Variants in PCNT observed in about 807,000 individuals in gnomAD.
PCNT encodes pericentrin, also known as kendrin.
In PCNT, 319 loss-of-function variants were observed where a neutral mutation model predicts 380.4. The observed-to-expected ratio is 0.84, with a 90% CI of 0.77 to 0.92. The LOEUF (loss-of-function observed/expected upper bound fraction) is 0.92. Among genes scored for constraint, PCNT ranks in the 40% least tolerant of loss-of-function variants. The pLI, the probability that PCNT is intolerant of heterozygous loss-of-function variation, is 0.00. For synonymous variants in PCNT, 1,845 were observed against 1,735.2 expected (o/e 1.06, Z -1.57); for missense variants, 4,400 against 4,255.3 (o/e 1.03, Z -0.95).
At chr21:46,386,481 G>A (rs145083874) in intron 17 of PCNT, among the ~76,000 whole-genome samples, 14 of 152,232 alleles carry the variant, frequency 9.2e-5, no homozygotes, top group Non-Finnish European at 7.3e-5. Flanking sequence ...TCCATTGGGA[G>A]CCTGTGCCTG....
chr21:46,338,545 T>C (rs1242294379), intron 3 of PCNT, among the ~76,000 whole-genome samples: 1 of 152,078 alleles, frequency 6.6e-6, no homozygotes, highest in East Asian at 1.9e-4. Context: ...GTTTATCCAC[T>C]CACCTGGTGA....
chr21:46,355,742 G>A (rs1424634397), intron 12 of PCNT, 116 bp downstream of exon 12: 24 of 1,008,844 alleles, frequency 2.4e-5, no homozygotes, highest in African/African-American at 4.8e-5. Flanking sequence ...TGAGTGCTCC[G>A]ACCTCTTCTT....
At chr21:46,349,887 G>C in intron 8 of PCNT, 67 bp downstream of exon 8, 6 of 1,449,030 alleles carry the variant, frequency 4.1e-6, no homozygotes, top group Non-Finnish European at 5.8e-6. Context: ...TTTGGAATTG[G>C]GCTATTTCGT....
intron 11 of PCNT, among the ~76,000 whole-genome samples, chr21:46,354,305 C>T (rs2084391322): frequency 6.6e-6 from 1 of 152,238 alleles, no homozygotes; most frequent in Admixed American, 6.5e-5. Context: ...CCCTGGGATG[C>T]CCTGGCTGTG....
intron 4 of PCNT, among the ~76,000 whole-genome samples, chr21:46,346,533 G>A (rs1276648347): frequency 6.6e-6 from 1 of 152,202 alleles, no homozygotes; most frequent in African/African-American, 2.4e-5. Flanking sequence ...TGGTGCTCAG[G>A]GCAGTGATGC....
At chr21:46,439,136 C>A (rs190483768) in intron 41 of PCNT, among the ~76,000 whole-genome samples, 1 of 152,018 alleles carries the variant, frequency 6.6e-6, no homozygotes, top group African/African-American at 2.4e-5. Flanking sequence ...TTTGCCCTTT[C>A]CTGGTGTAGT....
chr21:46,324,763 C>T lies in PCNT; in HGVS notation c.54+481C>T, dbSNP rs1421769599. 7.2e-6 allele frequency: 4 copies of T among 552,884 alleles called. No homozygotes were observed. In the East Asian group the frequency reaches 4.4e-4, roughly 60 times the overall value. 34.2% of individuals were successfully genotyped at this position (552,884 alleles called of 1,614,324 possible). A position where few individuals can be genotyped will look rare whatever the true frequency, so the allele number is the denominator to read the frequency against. On this transcript the variant is annotated intron_variant, in intron 1 of 46. Coordinates refer to ENST00000359568, the MANE Select transcript of PCNT (RefSeq NM_006031.6). ...CGGGCGGCCGGTATTCGGGTGGCTG[C>T]TTGGTCTAGGGCCAGTTTCCTGCGC...
At position 46,353,715 on chromosome 21, in the gene PCNT, G is replaced by GGTGTGTGTGT. The variant is rs72175446; in HGVS notation, c.1680-244_1680-235dup. Among the ~76,000 whole-genome samples, 962 of 129,024 alleles carry GGTGTGTGTGT rather than the reference G, an allele frequency of 7.5e-3. 8 individuals are homozygous for GGTGTGTGTGT. Among genetic ancestry groups the GGTGTGTGTGT allele is most frequent in the African/African-American group, 0.024 (833 of 35,124 alleles). 84.6% of individuals were successfully genotyped at this position (129,024 alleles called of 152,430 possible). ...TTGGTGGCAGGGGCACTCTCCTCCA[G>GGTGTGTGTGT]GTGTGTGTGTGTGTGTGTGTGTGTG... On this transcript the variant is annotated intron_variant, in intron 10 of 46. Transcript: ENST00000359568.
rs145254208 is a variant in PCNT, at chr21:46,410,727, C to T, written c.5116-462C>T. Among the ~76,000 whole-genome samples the T allele has an allele frequency of 6.8e-3, 1,036 of 152,332 alleles. 8 individuals are homozygous for T. Among genetic ancestry groups the T allele is most frequent in the Non-Finnish European group, 0.011 (727 of 68,040 alleles). ...AGACGCCTCATCACCAGCGTCACCA[C>T]GAGCAGTGTTGGGATGGAAGGGGAG... On this transcript the variant is annotated intron_variant, in intron 27 of 46. Coordinates refer to ENST00000359568, the MANE Select transcript of PCNT (RefSeq NM_006031.6).
rs750108017 is a variant in PCNT, at chr21:46,440,210, C to T, written c.9393+8C>T. On this transcript the variant is annotated splice_region_variant and intron_variant, in intron 42 of 46. Transcript: ENST00000359568. ...CACACCAGCAATGTCAAGGTAGGAA[C>T]GGTGCCACGAGTATAGAACTTTGGT... is the stretch of plus-strand genomic sequence containing the variant. The T allele has an allele frequency of 3.1e-5, 50 of 1,613,738 alleles. No individual in the cohort carries two copies. Among genetic ancestry groups the T allele is most frequent in the Middle Eastern group, 1.6e-4 (1 of 6,084 alleles).
chr21:46,428,668 A>G, intron 35 of PCNT, 78 bp downstream of exon 35: 1 of 1,298,298 alleles, frequency 7.7e-7, no homozygotes, highest in Non-Finnish European at 1.1e-6. Flanking sequence ...TGGCCTTGGG[A>G]GCAGAGGGTG....
rs578035244 is a variant in PCNT at position 46,411,290 on chromosome 21, T to C, written c.5217T>C (p.Ile1739=). Residue 1739 remains isoleucine, a synonymous_variant, in exon 28 of 47, where the codon ATT becomes ATC. Transcript: ENST00000359568. The part of the protein sequence containing the change: ...KRLQKEKAEE[I]EQLHEVIEKL... ...TACAAAAGGAGAAAGCAGAGGAAAT[T>C]GAACAACTCCATGAAGTCATTGAGA... 2 of 1,614,136 alleles carry C rather than the reference T, an allele frequency of 1.2e-6. No homozygotes were observed. Among genetic ancestry groups the C allele is most frequent in the Admixed American group, 1.7e-5 (1 of 60,026 alleles).
chr21:46,421,930 G>T, intron 31 of PCNT, 40 bp from the exon 32 acceptor site: 1 of 1,610,224 alleles, frequency 6.2e-7, no homozygotes, highest in South Asian at 1.1e-5. Flanking sequence ...GAACCCCCTG[G>T]AGAGCTGTGG....
intron 3 of PCNT, among the ~76,000 whole-genome samples, chr21:46,336,579 C>T (rs988554569): frequency 3.9e-5 from 6 of 152,174 alleles, no homozygotes; most frequent in African/African-American, 1.4e-4. Flanking sequence ...GCCGCAGGCT[C>T]ATCGTGTAGG....
intron 13 of PCNT, 35 bp from the exon 14 acceptor site, chr21:46,363,445 G>T: frequency 6.4e-7 from 1 of 1,552,930 alleles, no homozygotes; most frequent in Non-Finnish European, 8.9e-7. Flanking sequence ...TTCCATTAGC[G>T]TCTTTCCTCC....
At chr21:46,397,133 C>G in intron 21 of PCNT, 132 bp from the exon 22 acceptor site, 2 of 737,204 alleles carry the variant, frequency 2.7e-6, no homozygotes, top group Non-Finnish European at 2.4e-6. Context: ...AAAAGATGGG[C>G]GTTTTACCCC....
chr21:46,374,081 A>G (rs897809215), intron 15 of PCNT, among the ~76,000 whole-genome samples: 3 of 152,124 alleles, frequency 2.0e-5, no homozygotes, highest in Admixed American at 2.0e-4. Context: ...CACAGAAGAA[A>G]ACAATTGGGC....
chr21:46,436,112 G>A lies in PCNT; in HGVS notation c.8960G>A (p.Arg2987Gln), dbSNP rs539546451. Residue 2987 changes from arginine (R) to glutamine (Q), a missense_variant, in exon 39 of 47, where the codon CGG becomes CAG. Coordinates refer to ENST00000359568, the MANE Select transcript of PCNT (RefSeq NM_006031.6). ...AMRQRLLSAA[R>Q]LLTSFTSQAV... ...AGGCAGCGGCTGCTCTCTGCCGCCCGGCTTCTCACCAGCTTCACCAGCCAG... is the reference window on the plus strand; with the variant it reads ...AGGCAGCGGCTGCTCTCTGCCGCCCAGCTTCTCACCAGCTTCACCAGCCAG... 80 of 1,610,294 alleles carry A rather than the reference G, an allele frequency of 5.0e-5. No individual in the cohort carries two copies. In the East Asian group the frequency reaches 6.2e-4, roughly 13 times the overall value.
chr21:46,325,526 A>G (rs2083358303), intron 1 of PCNT, among the ~76,000 whole-genome samples: 1 of 152,174 alleles, frequency 6.6e-6, no homozygotes, highest in Non-Finnish European at 1.5e-5. Context: ...TTTGAAGGAA[A>G]TATTTCCTTG....
Sources: gnomAD v4.1 joint callset for allele counts (sites outside exome capture counted in the v4.1 genomes callset) on GRCh38, gnomAD v4.1.1 for gene constraint, MANE v1.5 for transcripts, NCBI Gene and HGNC (gene_info 2026-07-23, HGNC 2026-07-21) for gene names.